The following DISP1 variants were observed in gnomAD, a reference collection of about 807,000 sequenced individuals.
The protein encoded by DISP1 is protein dispatched homolog 1.
A neutral mutation model predicts 37.3 loss-of-function variants in DISP1; 30 were observed. That is an observed-to-expected ratio of 0.80 (90% CI 0.60 to 1.09). DISP1 has a LOEUF of 1.09. Among genes scored for constraint, DISP1 ranks in the 50% least tolerant of loss-of-function variants. The pLI is 0.00. For synonymous variants in DISP1, 634 were observed against 690.2 expected, an observed-to-expected ratio of 0.92 and a Z score of 1.28; for missense variants, 1,598 against 1,879.5, an observed-to-expected ratio of 0.85 and a Z score of 2.77.
intron 1 of DISP1, among the ~76,000 whole-genome samples, chr1:222,924,568 T>G (rs1311947770): frequency 2.0e-5 from 3 of 152,186 alleles, no homozygotes; most frequent in Admixed American, 1.3e-4. Context: ...ATTTGTACTC[T>G]GGAAACATCA....
chr1:222,855,465 T>C (rs1668497086), intron 1 of DISP1, among the ~76,000 whole-genome samples: 1 of 152,202 alleles, frequency 6.6e-6, no homozygotes, highest in Non-Finnish European at 1.5e-5. Flanking sequence ...ACTGAACTAG[T>C]TAGAAAGCAG....
At chr1:222,816,232 G>A (rs1179472615) in intron 1 of DISP1, among the ~76,000 whole-genome samples, 1 of 151,866 alleles carries the variant, frequency 6.6e-6, no homozygotes, top group Non-Finnish European at 1.5e-5. Context: ...TATTACCAAA[G>A]GTAATTATTG....
chr1:222,926,315 T>C (rs985169453), intron 1 of DISP1, among the ~76,000 whole-genome samples: 1 of 152,246 alleles, frequency 6.6e-6, no homozygotes, highest in African/African-American at 2.4e-5. Context: ...GTTTATCCAC[T>C]CATCAGTTAA....
At chr1:222,924,931 C>T (rs909190042) in intron 1 of DISP1, among the ~76,000 whole-genome samples, 1 of 152,200 alleles carries the variant, frequency 6.6e-6, no homozygotes, top group Non-Finnish European at 1.5e-5. Flanking sequence ...CTCCCCCATG[C>T]CCTTGTCTTC....
intron 1 of DISP1, among the ~76,000 whole-genome samples, chr1:222,903,010 G>A (rs1272585310): frequency 9.2e-4 from 139 of 151,196 alleles, no homozygotes; most frequent in African/African-American, 2.9e-3. Context: ...ACGTATGTTT[G>A]TTGCGGCACT....
At position 223,004,031 on chromosome 1, in the gene DISP1, C is replaced by T; in HGVS notation, c.2634C>T (p.Ser878=). The change falls in exon 9 of 9, where the codon AGC becomes AGT. Residue 878 remains serine (S), a synonymous_variant. Coordinates refer to ENST00000675850, the MANE Select transcript of DISP1 (RefSeq NM_001377229.1). This position sits in a 1 kb window ranked among gnomAD's most constrained non-coding sequence, Gnocchi z 4.9. ...PALYPCCSHW[S]FPYKQEIFEL... ...TGTACCCATGCTGCAGCCACTGGAG[C>T]TTCCCCTACAAGCAAGAGATTTTTG... is the stretch of plus-strand genomic sequence containing the variant. 1 of 1,614,178 alleles carries T rather than the reference C, an allele frequency of 6.2e-7. No individual in the cohort carries two copies. The highest frequency in any genetic ancestry group is 8.5e-7 in the Non-Finnish European group (1 of 1,180,048).
intron 3 of DISP1, among the ~76,000 whole-genome samples, chr1:222,949,148 C>A (rs530814672): frequency 1.3e-5 from 2 of 152,164 alleles, no homozygotes; most frequent in Non-Finnish European, 2.9e-5. Context: ...AATCCCAGAA[C>A]TTTGGGAGGC....
chr1:222,944,380 G>C (rs1390597768), intron 3 of DISP1, among the ~76,000 whole-genome samples: 1 of 151,944 alleles, frequency 6.6e-6, no homozygotes. Flanking sequence ...GGTTAGCAAT[G>C]GTAATATATT....
At position 223,003,134 on chromosome 1, in the gene DISP1, T is replaced by A; in HGVS notation, c.1737T>A (p.Asp579Glu). The change falls in exon 9 of 9, where the codon GAT (aspartate) becomes GAA (glutamate). Residue 579 changes from aspartate to glutamate, a missense_variant. Asp to Glu is a conservative substitution (Grantham distance 45, BLOSUM62 2). Transcript: ENST00000675850. The surrounding 1 kb of genome is among the most constrained non-coding windows in gnomAD (Gnocchi z 4.3). The part of the protein sequence containing the change: ...IGADDAFVLC[D>E]VWNYTKFDKP... ...CAGATGATGCTTTTGTCCTGTGTGA[T>A]GTTTGGAACTACACAAAATTTGATA... The A allele has an allele frequency of 2.5e-6, 4 of 1,614,240 alleles. No homozygotes were observed. The highest frequency in any genetic ancestry group is 2.5e-6 in the Non-Finnish European group (3 of 1,180,038).
intron 1 of DISP1, among the ~76,000 whole-genome samples, chr1:222,864,469 G>C (rs1032763361): frequency 6.6e-6 from 1 of 151,904 alleles, no homozygotes; most frequent in Non-Finnish European, 1.5e-5. Context: ...CGACTCTGTA[G>C]GAGTCCTCTC....
At chr1:222,889,917 G>A (rs1032981510) in intron 1 of DISP1, among the ~76,000 whole-genome samples, 1 of 152,100 alleles carries the variant, frequency 6.6e-6, no homozygotes, top group Admixed American at 6.5e-5. Flanking sequence ...TGCCTTTCAA[G>A]CTGTTTTATT....
intron 3 of DISP1, among the ~76,000 whole-genome samples, chr1:222,950,757 T>C (rs1225652124): frequency 6.6e-6 from 1 of 152,198 alleles, no homozygotes; most frequent in Admixed American, 6.5e-5. Context: ...GCCAGTCACA[T>C]TCCACGTGTG....
intron 1 of DISP1, among the ~76,000 whole-genome samples, chr1:222,907,398 G>A (rs1396693593): frequency 6.6e-6 from 1 of 152,140 alleles, no homozygotes; most frequent in African/African-American, 2.4e-5. Flanking sequence ...AGCATCATCT[G>A]GGAGCTGGTT....
Position 222,862,916 on chromosome 1 carries a change from G to A in DISP1, c.-159+47838G>A, listed in dbSNP as rs1414827782. On this transcript the variant is annotated intron_variant, in intron 1 of 8. Coordinates refer to ENST00000675850, the MANE Select transcript of DISP1 (RefSeq NM_001377229.1). ...TCCAGGTAAGTTTCATGTCTCTTTA[G>A]CCTTCTTTAATCTGGAACAGTACTC... is the stretch of plus-strand genomic sequence containing the variant. 2.0e-5 allele frequency among the ~76,000 whole-genome samples: 3 copies of A among 152,106 alleles called. No individual in the cohort carries two copies. The East Asian group carries it at 5.8e-4, about 29-fold the overall frequency.
At chr1:222,856,013 T>C (rs1449826543) in intron 1 of DISP1, among the ~76,000 whole-genome samples, 4 of 152,206 alleles carry the variant, frequency 2.6e-5, no homozygotes, top group Non-Finnish European at 5.9e-5. Context: ...TAAAAAGATA[T>C]TAAATTATTT....
intron 2 of DISP1, among the ~76,000 whole-genome samples, chr1:222,937,231 A>G (rs1285354873): frequency 6.6e-6 from 1 of 150,580 alleles, no homozygotes; most frequent in African/African-American, 2.4e-5. Context: ...CTCGGACTAC[A>G]GGCACCCGCC....
At chr1:222,887,777 C>T (rs1191190994) in intron 1 of DISP1, among the ~76,000 whole-genome samples, 2 of 103,584 alleles carry the variant, frequency 1.9e-5, no homozygotes, top group Non-Finnish European at 4.5e-5. Context: ...GGATTACAGG[C>T]GTGAGCCACC....
intron 1 of DISP1, chr1:222,823,774 A>G (rs547562971): frequency 1.1e-4 from 17 of 152,152 alleles, no homozygotes; most frequent in African/African-American, 3.1e-4. Context: ...AAAGTGTTTT[A>G]ATATATGTAG....
In DISP1 at chr1:222,824,590, C is replaced by G. The variant is rs1333200729; in HGVS notation, c.-159+9512C>G. 3.3e-5 allele frequency among the ~76,000 whole-genome samples: 5 copies of G among 151,620 alleles called. No individual in the cohort carries two copies. The East Asian group carries it at 9.6e-4, about 29-fold the overall frequency. On this transcript the variant is annotated intron_variant, in intron 1 of 8. Transcript: ENST00000675850. ...AGTGTTTTATTTTCCATTTGTTCCA[C>G]TTTAAGTATTTGTTAAATGTAATTC...
Sources: gnomAD v4.1 joint callset for allele counts (sites outside exome capture counted in the v4.1 genomes callset) on GRCh38, gnomAD v4.1.1 for gene constraint, Gnocchi (gnomAD v3.1) non-coding constraint, MANE v1.5 for transcripts, NCBI Gene and HGNC (gene_info 2026-07-23, HGNC 2026-07-21) for gene names.